WASHC4: variants seen among roughly 807,000 people sequenced by gnomAD.
The protein encoded by WASHC4 is WASH complex subunit 7.
In WASHC4, 86 loss-of-function variants were observed where a neutral mutation model predicts 166.6. That is an observed-to-expected ratio of 0.52 (90% CI 0.43 to 0.62). The LOEUF (loss-of-function observed/expected upper bound fraction) is 0.62, where lower values mean the gene tolerates loss of function less well. WASHC4 is among the 20% of genes least tolerant of loss of function. The pLI is 0.00. For missense variants in WASHC4, 1,262 were observed against 1,382.4 expected (o/e 0.91, Z 1.38); for synonymous variants, 446 against 451.6 (o/e 0.99, Z 0.16).
chr12:105,128,465 G>A (rs1881482491), intron 13 of WASHC4, among the ~76,000 whole-genome samples: 1 of 152,140 alleles, frequency 6.6e-6, no homozygotes, highest in Non-Finnish European at 1.5e-5. Context: ...TACTCAAAAT[G>A]CCAATACATA....
chr12:105,115,698 T>G lies in WASHC4; in HGVS notation c.405T>G (p.Ile135Met), dbSNP rs1414497173. 1 of 1,609,600 alleles carries G rather than the reference T, an allele frequency of 6.2e-7. No individual in the cohort carries two copies. The highest frequency in any genetic ancestry group is 1.1e-5 in the South Asian group (1 of 90,978). The part of the protein sequence containing the change: ...DASMVEGDCQ[I>M]QMGRFISFLQ... Reference sequence around the variant, plus strand: ...GCATGGTGGAAGGTGATTGCCAAATTCAAATGGGGAGATTTATTTCATTCT... The same window carrying G: ...GCATGGTGGAAGGTGATTGCCAAATGCAAATGGGGAGATTTATTTCATTCT... The change falls in exon 6 of 33, where the codon ATT becomes ATG. Residue 135 changes from isoleucine to methionine, a missense_variant. Transcript: ENST00000332180.
intron 15 of WASHC4, among the ~76,000 whole-genome samples, chr12:105,139,011 CTCT>C (rs1295701192): frequency 6.6e-6 from 1 of 152,128 alleles, no homozygotes; most frequent in Admixed American, 6.6e-5. Flanking sequence ...GTTTATCATT[CTCT>C]TGTTTTTCTT....
chr12:105,107,832 A>C lies in WASHC4; in HGVS notation c.32A>C (p.Glu11Ala). Residue 11 changes from glutamate (E) to alanine (A), a missense_variant, in exon 1 of 33, where the codon GAG becomes GCG. By Grantham distance (107) the Glu-to-Ala change is moderately radical. Transcript: ENST00000332180. MAVETLSPDWEFDRVDDGSQK... is the reference protein window; with the variant it reads MAVETLSPDWAFDRVDDGSQK... ...GTGGAGACTCTGTCCCCGGACTGGG[A>C]GTTTGACCGCGTTGACGACGGCTCG... The C allele has an allele frequency of 6.4e-7, 1 of 1,550,792 alleles. No individual in the cohort carries two copies. The highest frequency in any genetic ancestry group is 8.7e-7 in the Non-Finnish European group (1 of 1,146,530).
At chr12:105,166,797 T>C in intron 32 of WASHC4, 67 bp from the exon 33 acceptor site, 2 of 1,144,034 alleles carry the variant, frequency 1.7e-6, no homozygotes, top group African/African-American at 1.5e-5. Flanking sequence ...CAAATTTCTT[T>C]TACTTCTTAA....
intron 13 of WASHC4, among the ~76,000 whole-genome samples, chr12:105,131,187 C>T (rs1397343710): frequency 6.6e-5 from 10 of 150,818 alleles, no homozygotes; most frequent in South Asian, 2.1e-4. Flanking sequence ...CCCGGGTTCA[C>T]GCCATTCTCC....
chr12:105,109,657 T>TG (rs1879460421), intron 1 of WASHC4, among the ~76,000 whole-genome samples: 1 of 148,102 alleles, frequency 6.8e-6, no homozygotes, highest in African/African-American at 2.5e-5. Flanking sequence ...GTCTTTTTTT[T>TG]TTTTTTTTTT....
In WASHC4 at chr12:105,144,419, C is replaced by T. The variant is rs1427344590; in HGVS notation, c.2143C>T (p.Pro715Ser). Residue 715 changes from proline (P) to serine (S), a missense_variant, in exon 21 of 33, where the codon CCA (proline) becomes TCA (serine). Pro to Ser is a moderately conservative substitution (Grantham distance 74). Transcript: ENST00000332180. ...CCTGGCTCTTTTTTTCTCTCTGAAT[C>T]CAATTCGGTTTTTCAATCGTTTCAT... is the stretch of plus-strand genomic sequence containing the variant. The part of the protein sequence containing the change: ...KDLALFFSLN[P>S]IRFFNRFIDI... The T allele has an allele frequency of 1.2e-6, 2 of 1,613,194 alleles. No homozygotes were observed. Among genetic ancestry groups the T allele is most frequent in the East Asian group, 2.2e-5 (1 of 44,818 alleles).
intron 23 of WASHC4, 58 bp downstream of exon 23, chr12:105,146,584 G>C: frequency 1.1e-6 from 1 of 888,150 alleles, no homozygotes; most frequent in Non-Finnish European, 1.9e-6. Context: ...TTGGAAGGCT[G>C]AGGGGCAAGG....
chr12:105,143,742 G>A (rs1357831749), intron 20 of WASHC4, among the ~76,000 whole-genome samples: 1 of 151,882 alleles, frequency 6.6e-6, no homozygotes, highest in Non-Finnish European at 1.5e-5. Context: ...TCCATTTAGT[G>A]ATATTTTTAT....
rs1239070544 is a variant in WASHC4, at chr12:105,166,920, G to A, written c.3511G>A (p.Val1171Ile). 1.2e-6 allele frequency: 2 copies of A among 1,601,660 alleles called. No individual in the cohort carries two copies. The highest frequency in any genetic ancestry group is 2.2e-5 in the South Asian group (2 of 90,942). Residue 1171 changes from valine to isoleucine, a missense_variant, in exon 33 of 33, where the codon GTT becomes ATT. Physicochemically the swap from Val to Ile is conservative, Grantham distance 29. Transcript: ENST00000332180. ...TGACAGCACTGTGTCTGCTGATCCT[G>A]TTGTGAAATGATACGGATGGTATTC... ...LSDSTVSADP[V>I]VK is the part of the protein sequence containing the mutation.
At chr12:105,142,767 TAATC>T (rs1882975881) in intron 19 of WASHC4, among the ~76,000 whole-genome samples, 1 of 152,116 alleles carries the variant, frequency 6.6e-6, no homozygotes, top group South Asian at 2.1e-4. Context: ...TTCATGTTCC[TAATC>T]ATTTTCATTT....
chr12:105,144,968 T>A, intron 22 of WASHC4, 96 bp downstream of exon 22: 1 of 1,206,978 alleles, frequency 8.3e-7, no homozygotes, highest in Non-Finnish European at 1.2e-6. Context: ...AGTTAGTATG[T>A]GCTTATTTTT....
Position 105,118,433 on chromosome 12 carries a change from C to G in WASHC4, c.436-13C>G. The G allele has an allele frequency of 1.3e-6, 2 of 1,590,044 alleles. No homozygotes were observed. The highest frequency in any genetic ancestry group is 1.7e-6 in the Non-Finnish European group (2 of 1,158,020). On this transcript the variant is annotated splice_polypyrimidine_tract_variant and intron_variant, in intron 6 of 32. Transcript: ENST00000332180. ...GAGTAACTTTATAATATATACCCAC[C>G]TTCTCGTTTCAGGAACTGTCTTGCT...
chr12:105,140,899 A>G lies in WASHC4; in HGVS notation c.1561A>G (p.Lys521Glu). 6.2e-7 allele frequency: 1 copy of G among 1,613,734 alleles called. No individual in the cohort carries two copies. Among genetic ancestry groups the G allele is most frequent in the Non-Finnish European group, 8.5e-7 (1 of 1,179,924 alleles). ...ATAGTTTTCCTGTTTTATTTTTAAG[A>G]AAAGAGTGATTTCTGACAAAAAATA... The part of the protein sequence containing the change: ...QALHSISVAK[K>E]RVISDKKYSE... Residue 521 changes from lysine to glutamate, a missense_variant and splice_region_variant, in exon 17 of 33, where the codon AAA becomes GAA. Transcript: ENST00000332180.
intron 10 of WASHC4, 96 bp from the exon 11 acceptor site, chr12:105,125,908 G>A: frequency 8.4e-7 from 1 of 1,187,072 alleles, no homozygotes; most frequent in Non-Finnish European, 1.2e-6. Context: ...GATGAATATA[G>A]AAATTTATCA....
chr12:105,111,105 G>A lies in WASHC4; in HGVS notation c.62-20G>A. The A allele has an allele frequency of 6.3e-7, 1 of 1,580,520 alleles. No homozygotes were observed. Among genetic ancestry groups the A allele is most frequent in the East Asian group, 2.2e-5 (1 of 44,590 alleles). On this transcript the variant is annotated intron_variant, in intron 1 of 32. Coordinates refer to ENST00000332180, the MANE Select transcript of WASHC4 (RefSeq NM_015275.3). ...TCATTACTTGCACTTATCACATACT[G>A]TTTTAAAATTTAAACTTAGAAATTC... is the stretch of plus-strand genomic sequence containing the variant.
chr12:105,155,697 C>T (rs896190029), intron 26 of WASHC4, among the ~76,000 whole-genome samples: 19 of 42,752 alleles, frequency 4.4e-4, no homozygotes, highest in African/African-American at 8.1e-4. Context: ...AAAAATTAGC[C>T]GGGCGTGGTG....
At chr12:105,135,314 C>T (rs1882212734) in intron 14 of WASHC4, among the ~76,000 whole-genome samples, 1 of 151,638 alleles carries the variant, frequency 6.6e-6, no homozygotes, top group Non-Finnish European at 1.5e-5. Context: ...TAATACAAGT[C>T]TCTGTTGATG....
At chr12:105,124,977 A>G (rs1881141869) in intron 10 of WASHC4, among the ~76,000 whole-genome samples, 1 of 152,258 alleles carries the variant, frequency 6.6e-6, no homozygotes, top group African/African-American at 2.4e-5. Flanking sequence ...ATAGCCACAT[A>G]TAGTTAATGA....
Sources: gnomAD v4.1 joint callset for allele counts (sites outside exome capture counted in the v4.1 genomes callset) on GRCh38, gnomAD v4.1.1 for gene constraint, MANE v1.5 for transcripts, NCBI Gene and HGNC (gene_info 2026-07-23, HGNC 2026-07-21) for gene names.